Variants in PDCL3 observed in about 807,000 individuals in gnomAD.
The protein encoded by PDCL3 is phosducin-like protein 3.
Under a neutral mutation model 26.5 loss-of-function variants are expected in PDCL3, and 22 were observed. That is an observed-to-expected ratio of 0.83 (90% confidence interval 0.59 to 1.19). The LOEUF is 1.19. Ranked by LOEUF, PDCL3 falls within the 50% of genes most tolerant of loss-of-function variation. The pLI, the probability that PDCL3 is intolerant of heterozygous loss-of-function variation, is 0.00. For synonymous variants in PDCL3, 81 were observed against 104.9 expected, an observed-to-expected ratio of 0.77 and a Z score of 1.39; for missense variants, 246 against 294.1, an observed-to-expected ratio of 0.84 and a Z score of 1.20.
chr2:100,575,468 G>A (rs1031663479), intron 5 of PDCL3, among the ~76,000 whole-genome samples: 5 of 152,302 alleles, frequency 3.3e-5, no homozygotes, highest in Admixed American at 3.3e-4. Flanking sequence ...TGTCCAGTTA[G>A]CAGAACTCTC....
In PDCL3 at chr2:100,572,879, T is replaced by TTTTG. The variant is rs1199305087; in HGVS notation, c.577+1086_577+1089dup. 3.0e-4 allele frequency among the ~76,000 whole-genome samples: 45 copies of TTTTG among 151,608 alleles called. 2 individuals carry two copies. In the South Asian group the frequency reaches 9.4e-3, roughly 32 times the overall value. On this transcript the variant is annotated intron_variant, in intron 5 of 5. Coordinates refer to ENST00000264254, the MANE Select transcript of PDCL3 (RefSeq NM_024065.5). Reference sequence around the variant, plus strand: ...GCCTGTTAGCTCGGAAGGATGTGGTTTTTGTTTGATTGTTTGTTTTTTTGA... The same window carrying TTTTG: ...GCCTGTTAGCTCGGAAGGATGTGGTTTTTGTTTGTTTGATTGTTTGTTTTTTTGA...
chr2:100,572,730 G>T lies in PDCL3; in HGVS notation c.577+932G>T, dbSNP rs181191872. 4.9e-3 allele frequency among the ~76,000 whole-genome samples: 743 copies of T among 150,950 alleles called. 5 individuals carry two copies. Among genetic ancestry groups the T allele is most frequent in the Non-Finnish European group, 7.5e-3 (510 of 67,834 alleles). On this transcript the variant is annotated intron_variant, in intron 5 of 5. Coordinates refer to ENST00000264254, the MANE Select transcript of PDCL3 (RefSeq NM_024065.5). Reference sequence around the variant, plus strand: ...AGACAGGGTTTCTCCATGTGGTCAGGCTGGTCTCAAACTCCTGACCTCAGG... The same window carrying T: ...AGACAGGGTTTCTCCATGTGGTCAGTCTGGTCTCAAACTCCTGACCTCAGG...
At chr2:100,569,157 G>A (rs908612947) in intron 3 of PDCL3, 136 bp downstream of exon 3, 7 of 714,174 alleles carry the variant, frequency 9.8e-6, no homozygotes, top group East Asian at 5.4e-5. Flanking sequence ...TTGGGAGGCT[G>A]AGGCAGGCAG....
At chr2:100,572,240 C>G (rs778341845) in intron 5 of PDCL3, among the ~76,000 whole-genome samples, 2 of 152,152 alleles carry the variant, frequency 1.3e-5, no homozygotes, top group African/African-American at 2.4e-5. Flanking sequence ...GAGACAGAGT[C>G]TTGCTCTGTC....
rs777545241 is a variant in PDCL3 at position 100,569,645 on chromosome 2, T to G, written c.292T>G (p.Ser98Ala). ...TAAATTCGGAGAAGTTTTGGAGATCTCAGGGAAGGATTATGTTCAAGAAGT... is the reference window on the plus strand; with the variant it reads ...TAAATTCGGAGAAGTTTTGGAGATCGCAGGGAAGGATTATGTTCAAGAAGT... ...KNKFGEVLEI[S>A]GKDYVQEVTK... is the part of the protein sequence containing the mutation. The change falls in exon 4 of 6, where the codon TCA becomes GCA. Residue 98 changes from serine to alanine, a missense_variant. By Grantham distance (99) the Ser-to-Ala change is moderately conservative. Coordinates refer to ENST00000264254, the MANE Select transcript of PDCL3 (RefSeq NM_024065.5). 5 of 1,613,918 alleles carry G rather than the reference T, an allele frequency of 3.1e-6. No individual in the cohort carries two copies. In the South Asian group the frequency reaches 4.4e-5, roughly 14 times the overall value.
intron 4 of PDCL3, among the ~76,000 whole-genome samples, chr2:100,570,559 A>G (rs1242973916): frequency 2.0e-5 from 3 of 150,862 alleles, no homozygotes; most frequent in African/African-American, 4.9e-5. Context: ...GCTCACTGCA[A>G]CCTCCGTCTC....
At chr2:100,572,028 A>C (rs1477990887) in intron 5 of PDCL3, 3 of 517,134 alleles carry the variant, frequency 5.8e-6, no homozygotes, top group Non-Finnish European at 1.0e-5. Flanking sequence ...CTTAAATATA[A>C]ACATTTTTTA....
At chr2:100,573,895 G>C (rs893015268) in intron 5 of PDCL3, among the ~76,000 whole-genome samples, 1 of 152,100 alleles carries the variant, frequency 6.6e-6, no homozygotes, top group Non-Finnish European at 1.5e-5. Flanking sequence ...AAGTCTTGAA[G>C]TCTAGTGAAC....
intron 4 of PDCL3, among the ~76,000 whole-genome samples, chr2:100,571,087 G>A (rs1675158378): frequency 7.0e-6 from 1 of 142,150 alleles, no homozygotes; most frequent in African/African-American, 2.7e-5. Context: ...AGAGCAGCCT[G>A]GGCAACGTGG....
intron 3 of PDCL3, among the ~76,000 whole-genome samples, 159 bp from the exon 4 acceptor site, chr2:100,569,419 G>A (rs752130211): frequency 2.0e-5 from 3 of 152,104 alleles, no homozygotes; most frequent in Admixed American, 6.6e-5. Flanking sequence ...ATCTAGGAGC[G>A]ACTGCAATTA....
chr2:100,568,715 G>A (rs1330265412), intron 2 of PDCL3, among the ~76,000 whole-genome samples: 1 of 152,068 alleles, frequency 6.6e-6, no homozygotes, highest in Non-Finnish European at 1.5e-5. Flanking sequence ...TGGGTAAAAT[G>A]TTGTCAGTCA....
In PDCL3 at chr2:100,565,368, G is replaced by A. The variant is rs934057523; in HGVS notation, c.7-1135G>A. ...CGGCTCACTGCAAGCTCCACCTCCC[G>A]GGTTCCTGCCACTCTCCTGCCTCAG... is the stretch of plus-strand genomic sequence containing the variant. On this transcript the variant is annotated intron_variant, in intron 1 of 5. Transcript: ENST00000264254. Among the ~76,000 whole-genome samples the A allele has an allele frequency of 2.0e-5, 3 of 150,818 alleles. No individual in the cohort carries two copies. In the South Asian group the frequency reaches 6.3e-4, roughly 32 times the overall value.
intron 1 of PDCL3, 128 bp downstream of exon 1, chr2:100,563,201 G>C (rs1022126678): frequency 1.2e-5 from 14 of 1,214,390 alleles, no homozygotes; most frequent in Non-Finnish European, 1.6e-5. Context: ...GGCCCGGCGC[G>C]TCCAGGCCCT....
At chr2:100,575,373 G>C (rs920103532) in intron 5 of PDCL3, among the ~76,000 whole-genome samples, 7 of 152,166 alleles carry the variant, frequency 4.6e-5, no homozygotes, top group African/African-American at 1.7e-4. Context: ...CAGACTTCGT[G>C]ATCCGCCCAC....
At chr2:100,574,489 T>C (rs1675240654) in intron 5 of PDCL3, among the ~76,000 whole-genome samples, 2 of 151,950 alleles carry the variant, frequency 1.3e-5, no homozygotes, top group South Asian at 2.1e-4. Context: ...ACCAAAACAA[T>C]TGAATATATT....
In PDCL3 at chr2:100,566,533, A is replaced by G; in HGVS notation, c.37A>G (p.Ile13Val). Residue 13 changes from isoleucine (I) to valine (V), a missense_variant, in exon 2 of 6, where the codon ATC becomes GTC. By Grantham distance (29) the Ile-to-Val change is conservative (BLOSUM62 3). Coordinates refer to ENST00000264254, the MANE Select transcript of PDCL3 (RefSeq NM_024065.5). Reference sequence around the variant, plus strand: ...CAACGCAGACACTGAATGGAATGACATCTTACGCAAAAAGGGTATCTTACC... The same window carrying G: ...CAACGCAGACACTGAATGGAATGACGTCTTACGCAAAAAGGGTATCTTACC... ...DPNADTEWND[I>V]LRKKGILPPK... 1 of 1,613,132 alleles carries G rather than the reference A, an allele frequency of 6.2e-7. No homozygotes were observed.
chr2:100,567,284 A>G (rs1675076204), intron 2 of PDCL3, among the ~76,000 whole-genome samples: 1 of 152,210 alleles, frequency 6.6e-6, no homozygotes, highest in African/African-American at 2.4e-5. Context: ...TTTATTAGAA[A>G]GTATCCAGCG....
chr2:100,569,070 T>G (rs753314059), intron 3 of PDCL3, 49 bp downstream of exon 3: 2 of 1,552,328 alleles, frequency 1.3e-6, no homozygotes, highest in East Asian at 2.2e-5. Context: ...TTGTTTGTTT[T>G]GTTTTGGTTT....
chr2:100,563,335 C>T (rs1674991537), intron 1 of PDCL3: 2 of 453,952 alleles, frequency 4.4e-6, no homozygotes, highest in Admixed American at 8.9e-5. Context: ...GCGGTCTCTA[C>T]CCACCCGGGC....
Sources: allele counts gnomAD v4.1 joint callset (sites outside exome capture counted in the v4.1 genomes callset), GRCh38; gene constraint gnomAD v4.1.1; transcripts MANE v1.5; gene names NCBI Gene and HGNC (gene_info 2026-07-23, HGNC 2026-07-21).